The following TNS3 variants were observed in gnomAD, a reference collection of about 807,000 sequenced individuals.
TNS3 encodes the protein tensin-3.
TNS3 carries 45 observed loss-of-function variants against 140.9 expected under a neutral mutation model. The ratio of observed to expected loss-of-function variants is 0.32; its 90% CI spans 0.25 to 0.41. TNS3 has a LOEUF of 0.41. TNS3 is among the 10% of genes least tolerant of loss of function. The pLI is 1.00. For synonymous variants in TNS3, 815 were observed against 788.4 expected, an observed-to-expected ratio of 1.03 and a Z score of -0.56; for missense variants, 1,716 against 1,906.7, an observed-to-expected ratio of 0.90 and a Z score of 1.86.
chr7:47,406,597 C>G (rs748154733), intron 13 of TNS3, among the ~76,000 whole-genome samples: 10 of 152,172 alleles, frequency 6.6e-5, no homozygotes, highest in Non-Finnish European at 1.5e-4. Context: ...CCTGGGAAGC[C>G]ACTTTCCGCC....
chr7:47,499,923 G>C (rs146289473), intron 3 of TNS3, among the ~76,000 whole-genome samples: 1 of 152,142 alleles, frequency 6.6e-6, no homozygotes, highest in Non-Finnish European at 1.5e-5. Flanking sequence ...CGGCAGGAGA[G>C]TGTGTGTCTC....
chr7:47,437,745 T>TACACAC (rs67341898), intron 6 of TNS3, among the ~76,000 whole-genome samples: 5,261 of 135,712 alleles, frequency 0.039, 135 homozygotes, highest in Non-Finnish European at 0.048. Context: ...ACATATAGGA[T>TACACAC]ACACACACAC....
chr7:47,409,982 C>G (rs549966079), intron 13 of TNS3, among the ~76,000 whole-genome samples: 1 of 152,308 alleles, frequency 6.6e-6, no homozygotes, highest in South Asian at 2.1e-4. Context: ...AGCTGGAACA[C>G]TAGACCCAGT....
At chr7:47,435,821 G>T (rs895745563) in intron 7 of TNS3, among the ~76,000 whole-genome samples, 15 of 152,214 alleles carry the variant, frequency 9.9e-5, no homozygotes, top group Non-Finnish European at 5.9e-5. Flanking sequence ...ACACCGTGCG[G>T]ACAACACCTC....
intron 2 of TNS3, among the ~76,000 whole-genome samples, chr7:47,522,854 G>A (rs888209793): frequency 6.6e-6 from 1 of 151,476 alleles, no homozygotes; most frequent in Non-Finnish European, 1.5e-5. Context: ...CGTGAACCTG[G>A]GAGGCAGAGC....
chr7:47,277,380 T>G lies in TNS3; in HGVS notation c.*696A>C, dbSNP rs1420699656. 3 of 152,504 alleles carry G rather than the reference T, an allele frequency of 2.0e-5. No homozygotes were observed. The highest frequency in any genetic ancestry group is 7.2e-5 in the African/African-American group (3 of 41,428). 9.4% of individuals were successfully genotyped at this position (152,504 alleles called of 1,614,324 possible). A position where few individuals can be genotyped will look rare whatever the true frequency, so the allele number is the denominator to read the frequency against. Reference sequence around the variant, plus strand: ...GCCCAGCTCGCCCAGCTCGCCCAGCTCGCCCAGCTCACCACAGGTGAGCAG... The same window carrying G: ...GCCCAGCTCGCCCAGCTCGCCCAGCGCGCCCAGCTCACCACAGGTGAGCAG... On this transcript the variant is annotated 3_prime_UTR_variant, in exon 31 of 31. Transcript: ENST00000311160.
chr7:47,473,439 CA>C (rs1405635989), intron 4 of TNS3, among the ~76,000 whole-genome samples: 1 of 152,206 alleles, frequency 6.6e-6, no homozygotes, highest in Non-Finnish European at 1.5e-5. Context: ...TGATGAGACA[CA>C]CAGAATCTGG....
intron 1 of TNS3, among the ~76,000 whole-genome samples, chr7:47,581,798 G>A (rs541821750): frequency 2.0e-5 from 3 of 149,636 alleles, no homozygotes; most frequent in African/African-American, 4.9e-5. Context: ...TTGCCCGTGC[G>A]CCCCCAACCG....
chr7:47,581,299 C>G (rs115294072), intron 1 of TNS3: 1 of 151,828 alleles, frequency 6.6e-6, no homozygotes, highest in Non-Finnish European at 1.5e-5. Context: ...ACACAGCTGG[C>G]CCCCAGCCTG....
At chr7:47,380,304 C>G (rs1359264910) in intron 16 of TNS3, among the ~76,000 whole-genome samples, 3 of 152,360 alleles carry the variant, frequency 2.0e-5, no homozygotes, top group African/African-American at 7.2e-5. Flanking sequence ...GACTGGGCAG[C>G]TCAGTTCCCT....
intron 20 of TNS3, among the ~76,000 whole-genome samples, chr7:47,322,808 C>T (rs1787822743): frequency 6.6e-6 from 1 of 152,144 alleles, no homozygotes; most frequent in African/African-American, 2.4e-5. Flanking sequence ...CCCTCTAAAG[C>T]CCTCAAGAGC....
intron 1 of TNS3, among the ~76,000 whole-genome samples, chr7:47,537,349 C>G (rs1241802738): frequency 6.6e-6 from 1 of 152,170 alleles, no homozygotes; most frequent in Admixed American, 6.5e-5. Context: ...GAACAAAAGC[C>G]AGGCGCGAGC....
At chr7:47,361,252 A>T (rs992796138) in intron 17 of TNS3, among the ~76,000 whole-genome samples, 5 of 144,288 alleles carry the variant, frequency 3.5e-5, no homozygotes, top group Non-Finnish European at 6.1e-5. Context: ...CAAGACCCCA[A>T]GGCTCGCCTC....
intron 27 of TNS3, among the ~76,000 whole-genome samples, chr7:47,285,833 G>A (rs952801999): frequency 1.1e-4 from 16 of 152,148 alleles, no homozygotes; most frequent in Non-Finnish European, 1.9e-4. Flanking sequence ...ATGAGAGAGG[G>A]GTGAAATTAG....
chr7:47,321,982 G>C (rs1367220604), intron 20 of TNS3, among the ~76,000 whole-genome samples: 6 of 152,044 alleles, frequency 3.9e-5, no homozygotes, highest in Admixed American at 3.9e-4. Flanking sequence ...AACATTCACT[G>C]AGGACTTCCC....
intron 12 of TNS3, among the ~76,000 whole-genome samples, chr7:47,413,625 A>G (rs149660202): frequency 0.014 from 2,159 of 151,932 alleles, 52 homozygotes; most frequent in African/African-American, 0.049. Flanking sequence ...CTTGAAAACC[A>G]AGGGGCCACC....
chr7:47,550,424 G>C (rs767050644), intron 1 of TNS3, among the ~76,000 whole-genome samples: 1 of 152,174 alleles, frequency 6.6e-6, no homozygotes, highest in African/African-American at 2.4e-5. Flanking sequence ...CCTGTAAGGC[G>C]GTAACCTTGG....
At position 47,462,439 on chromosome 7, in the gene TNS3, C is replaced by T. The variant is rs551285983; in HGVS notation, c.-76+18664G>A. 7.6e-4 allele frequency among the ~76,000 whole-genome samples: 116 copies of T among 152,268 alleles called. 1 individual carries two copies. The highest frequency in any genetic ancestry group is 1.1e-3 in the Non-Finnish European group (72 of 68,024). On this transcript the variant is annotated intron_variant, in intron 4 of 30. Coordinates refer to ENST00000311160, the MANE Select transcript of TNS3 (RefSeq NM_022748.12). Reference sequence around the variant, plus strand: ...GGCCGAGGTTATGTGTTGATCAGTTCGTGAAAACACTGTGACTAGAGCTCG... The same window carrying T: ...GGCCGAGGTTATGTGTTGATCAGTTTGTGAAAACACTGTGACTAGAGCTCG...
intron 1 of TNS3, among the ~76,000 whole-genome samples, chr7:47,537,145 G>C (rs1018077018): frequency 3.9e-5 from 6 of 151,958 alleles, no homozygotes; most frequent in Admixed American, 2.6e-4. Context: ...GGGCTCGGCC[G>C]GGCGAGGGTG....
Sources: allele counts gnomAD v4.1 joint callset (sites outside exome capture counted in the v4.1 genomes callset), GRCh38; gene constraint gnomAD v4.1.1; transcripts MANE v1.5; gene names NCBI Gene and HGNC (gene_info 2026-07-23, HGNC 2026-07-21).